The following ABCA5 variants were observed in gnomAD, a reference collection of about 807,000 sequenced individuals.
ABCA5 encodes the protein cholesterol transporter ABCA5.
In ABCA5, 163 loss-of-function variants were observed where a neutral mutation model predicts 206.0. The ratio of observed to expected loss-of-function variants is 0.79; its 90% CI spans 0.70 to 0.90. ABCA5 has a LOEUF of 0.90. ABCA5 is among the 40% of genes least tolerant of loss of function. The pLI, the probability that ABCA5 is intolerant of heterozygous loss-of-function variation, is 0.00. For missense variants in ABCA5, 1,859 were observed against 1,912.9 expected (o/e 0.97, Z 0.53); for synonymous variants, 609 against 613.8 (o/e 0.99, Z 0.11).
chr17:69,283,203 G>A (rs921103592), intron 18 of ABCA5, among the ~76,000 whole-genome samples: 2 of 151,828 alleles, frequency 1.3e-5, no homozygotes, highest in Admixed American at 6.6e-5. Context: ...AGACTGGTCT[G>A]GAACTCCTGG....
At chr17:69,251,619 A>G in intron 35 of ABCA5, 128 bp downstream of exon 35, 1 of 1,305,968 alleles carries the variant, frequency 7.7e-7, no homozygotes, top group Non-Finnish European at 1.0e-6. Context: ...CAATCTATCA[A>G]AAGCTAACTC....
At chr17:69,309,083 A>T (rs533644634) in intron 4 of ABCA5, among the ~76,000 whole-genome samples, 179 bp downstream of exon 4, 6 of 152,152 alleles carry the variant, frequency 3.9e-5, no homozygotes, top group Non-Finnish European at 8.8e-5. Flanking sequence ...TTTTATGTGT[A>T]GAAGTAGATA....
At chr17:69,301,321 A>G (rs535737566) in intron 8 of ABCA5, 35 bp from the exon 9 acceptor site, 1 of 1,561,938 alleles carries the variant, frequency 6.4e-7, no homozygotes, top group South Asian at 1.2e-5. Flanking sequence ...ATTACATAAA[A>G]ATGACAAAAA....
chr17:69,275,961 T>C (rs557235650), intron 19 of ABCA5, among the ~76,000 whole-genome samples: 2 of 152,216 alleles, frequency 1.3e-5, no homozygotes, highest in Non-Finnish European at 2.9e-5. Flanking sequence ...ATCACCATGC[T>C]GGCACCCTGA....
intron 2 of ABCA5, among the ~76,000 whole-genome samples, chr17:69,313,544 AAATT>A (rs1356811676): frequency 1.3e-5 from 2 of 152,100 alleles, no homozygotes; most frequent in African/African-American, 4.8e-5. Context: ...GTCACAAAAT[AAATT>A]AAGGTGACAT....
intron 19 of ABCA5, among the ~76,000 whole-genome samples, chr17:69,275,593 A>C (rs1407306269): frequency 6.6e-6 from 1 of 152,242 alleles, no homozygotes; most frequent in Non-Finnish European, 1.5e-5. Context: ...ACAAAGTTGA[A>C]GGAATTTCTT....
In ABCA5 at chr17:69,302,883, T is replaced by C; in HGVS notation, c.954A>G (p.Thr318=). ...CATGTTTTGATTTTTTAAAAAGAGG[T>C]GTCAGCATTAAAGCAAAAAATACCT... The part of the protein sequence containing the change: ...LSSVFFALML[T]PLFKKSKHVG... The change falls in exon 8 of 39, where the codon ACA becomes ACG. Residue 318 remains threonine, a synonymous_variant. Coordinates refer to ENST00000392676, the MANE Select transcript of ABCA5 (RefSeq NM_172232.4). The C allele has an allele frequency of 8.4e-6, 13 of 1,550,170 alleles. No homozygotes were observed. Among genetic ancestry groups the C allele is most frequent in the Non-Finnish European group, 1.1e-5 (13 of 1,152,972 alleles).
At chr17:69,288,248 T>C (rs111925592) in intron 14 of ABCA5, among the ~76,000 whole-genome samples, 2 of 152,084 alleles carry the variant, frequency 1.3e-5, no homozygotes, top group African/African-American at 4.8e-5. Context: ...AGGGGGAATG[T>C]GGCAGGATGG....
Position 69,291,336 on chromosome 17 carries a change from G to C in ABCA5, c.1496-10C>G. ...ATGTCAAATGACAAATCTAGTTCAG[G>C]AAAAAAGAAGACTCAAATGTAATTT... On this transcript the variant is annotated splice_polypyrimidine_tract_variant and intron_variant, in intron 11 of 38. Coordinates refer to ENST00000392676, the MANE Select transcript of ABCA5 (RefSeq NM_172232.4). The C allele has an allele frequency of 2.0e-6, 3 of 1,511,990 alleles. No individual in the cohort carries two copies. The East Asian group carries it at 6.8e-5, about 34-fold the overall frequency. The allele number at this position is 1,511,990 out of a possible 1,614,324, so 93.7% of individuals were successfully genotyped here. A position where few individuals can be genotyped will look rare whatever the true frequency, so the allele number is the denominator to read the frequency against.
chr17:69,323,570 T>C (rs2075879993), intron 1 of ABCA5, among the ~76,000 whole-genome samples: 1 of 152,236 alleles, frequency 6.6e-6, no homozygotes, highest in Non-Finnish European at 1.5e-5. Flanking sequence ...TTTACCTCTA[T>C]ACCCAGTAAA....
chr17:69,277,979 T>A (rs2075352629), intron 18 of ABCA5, 137 bp from the exon 19 acceptor site: 5 of 613,848 alleles, frequency 8.1e-6, no homozygotes, highest in Middle Eastern at 4.4e-4. Context: ...TCTGGCAGTA[T>A]CTATTAAAGC....
chr17:69,318,913 G>T, intron 1 of ABCA5: 1 of 670,792 alleles, frequency 1.5e-6, no homozygotes, highest in Non-Finnish European at 2.8e-6. Flanking sequence ...TTGGAATGGT[G>T]GTAATGCGAT....
At chr17:69,295,363 G>A (rs1168403298) in intron 10 of ABCA5, among the ~76,000 whole-genome samples, 8 of 151,998 alleles carry the variant, frequency 5.3e-5, no homozygotes, top group African/African-American at 1.7e-4. Flanking sequence ...CAAGGCTTAC[G>A]GTATTGCACT....
rs554312798 is a variant in ABCA5, at chr17:69,282,493, G to A, written c.2392+1460C>T. 3.8e-4 allele frequency among the ~76,000 whole-genome samples: 58 copies of A among 152,212 alleles called. No individual in the cohort carries two copies. The South Asian group carries it at 4.1e-3, about 11-fold the overall frequency. Reference sequence around the variant, plus strand: ...TATACTCAAAATTCATGCCTCGGCCGGGCGCAGTGGCTTACACCTGTAATC... The same window carrying A: ...TATACTCAAAATTCATGCCTCGGCCAGGCGCAGTGGCTTACACCTGTAATC... On this transcript the variant is annotated intron_variant, in intron 18 of 38. Coordinates refer to ENST00000392676, the MANE Select transcript of ABCA5 (RefSeq NM_172232.4).
At chr17:69,256,716 A>G (rs2075087082) in intron 28 of ABCA5, among the ~76,000 whole-genome samples, 1 of 152,002 alleles carries the variant, frequency 6.6e-6, no homozygotes, top group Admixed American at 6.6e-5. Flanking sequence ...TCAGCCTCCC[A>G]AAGTACTGGG....
At chr17:69,307,206 A>G (rs1439464266) in intron 5 of ABCA5, among the ~76,000 whole-genome samples, 2 of 148,758 alleles carry the variant, frequency 1.3e-5, no homozygotes, top group Non-Finnish European at 3.0e-5. Flanking sequence ...TTTTGATTAA[A>G]TAATTTGTCA....
intron 9 of ABCA5, among the ~76,000 whole-genome samples, chr17:69,299,054 C>A (rs982915070): frequency 3.9e-5 from 6 of 151,964 alleles, no homozygotes; most frequent in Non-Finnish European, 4.4e-5. Context: ...GGCCAAGAAA[C>A]ATGAAAAAAT....
chr17:69,316,958 C>T (rs945163236), intron 1 of ABCA5: 2 of 152,148 alleles, frequency 1.3e-5, no homozygotes, highest in Non-Finnish European at 1.5e-5. Context: ...AAGAAATGAA[C>T]ATAAGGACTC....
intron 36 of ABCA5, 148 bp from the exon 37 acceptor site, chr17:69,250,132 T>C (rs2074995384): frequency 8.5e-6 from 5 of 589,394 alleles, no homozygotes. Flanking sequence ...AATAATAACA[T>C]TTTCATGCAA....
Sources: gnomAD v4.1 joint callset for allele counts (sites outside exome capture counted in the v4.1 genomes callset) on GRCh38, gnomAD v4.1.1 for gene constraint, MANE v1.5 for transcripts, NCBI Gene and HGNC (gene_info 2026-07-23, HGNC 2026-07-21) for gene names.